ASPRV1: variants seen among roughly 807,000 people sequenced by gnomAD.
ASPRV1 encodes the protein retroviral-like aspartic protease 1.
A neutral mutation model predicts 11.0 loss-of-function variants in ASPRV1; 7 were observed. The ratio of observed to expected loss-of-function variants is 0.64; its 90% CI spans 0.36 to 1.20. The LOEUF is 1.20. Among genes scored for constraint, ASPRV1 ranks in the 50% most tolerant of loss-of-function variants. The pLI, the probability that ASPRV1 is intolerant of heterozygous loss-of-function variation, is 0.02. For synonymous variants in ASPRV1, 136 were observed against 138.4 expected (o/e 0.98, Z 0.12); for missense variants, 299 against 320.0 (o/e 0.93, Z 0.50).
the ASPRV1 span, among the ~76,000 whole-genome samples, chr2:70,016,633 C>CTCAAACTTG: frequency 6.6e-6 from 1 of 152,074 alleles, no homozygotes; most frequent in Non-Finnish European, 1.5e-5. Context: ...GACTTGAGGT[C>CTCAAACTTG]AGGAGTTTGA....
At chr2:69,991,264 C>G in the ASPRV1 span, among the ~76,000 whole-genome samples, 1 of 152,200 alleles carries the variant, frequency 6.6e-6, no homozygotes, top group Non-Finnish European at 1.5e-5. Context: ...GTGCTAGGTC[C>G]TTGCCTCCCA....
chr2:69,952,526 G>GGAAAA, the ASPRV1 span, among the ~76,000 whole-genome samples: 1,356 of 120,412 alleles, frequency 0.011, 17 homozygotes, highest in African/African-American at 0.039. Context: ...GAAAAAGAAA[G>GGAAAA]GAAAAGAAAA....
At chr2:69,990,917 A>G in the ASPRV1 span, among the ~76,000 whole-genome samples, 2 of 152,150 alleles carry the variant, frequency 1.3e-5, no homozygotes, top group African/African-American at 4.8e-5. Context: ...ACCCTGGCAG[A>G]GAGGCCATCT....
upstream of ASPRV1, chr2:69,961,687 A>C (rs1295408884): frequency 6.5e-7 from 1 of 1,536,494 alleles, no homozygotes; most frequent in Non-Finnish European, 8.8e-7. Flanking sequence ...TGGGCTCCCC[A>C]TTCTCCTTTG....
the ASPRV1 span, among the ~76,000 whole-genome samples, chr2:69,950,487 C>T: frequency 6.6e-6 from 1 of 151,736 alleles, no homozygotes; most frequent in Admixed American, 6.6e-5. Flanking sequence ...CAGTACATTC[C>T]TTTTCATTAC....
At chr2:69,970,177 C>T in the ASPRV1 span, among the ~76,000 whole-genome samples, 7 of 152,134 alleles carry the variant, frequency 4.6e-5, no homozygotes, top group East Asian at 1.4e-3. Context: ...CCTCCTGAGT[C>T]TCTCTCCTGC....
chr2:70,075,704 G>C, the ASPRV1 span, among the ~76,000 whole-genome samples: 2 of 151,956 alleles, frequency 1.3e-5, no homozygotes, highest in East Asian at 3.9e-4. Context: ...AAATTAGCCG[G>C]GCTTGGTGTC....
At chr2:70,062,064 G>A in the ASPRV1 span, among the ~76,000 whole-genome samples, 1 of 151,848 alleles carries the variant, frequency 6.6e-6, no homozygotes, top group African/African-American at 2.4e-5. Flanking sequence ...GAGGTGGGTG[G>A]ATTGCCTGAT....
At chr2:69,972,039 G>A in the ASPRV1 span, among the ~76,000 whole-genome samples, 25 of 151,968 alleles carry the variant, frequency 1.6e-4, no homozygotes, top group Admixed American at 1.2e-3. Context: ...GCTGTGATTC[G>A]GTTGCTGTCT....
chr2:70,016,838 T>G, the ASPRV1 span, among the ~76,000 whole-genome samples: 1 of 148,964 alleles, frequency 6.7e-6, no homozygotes, highest in Non-Finnish European at 1.5e-5. Flanking sequence ...GGCAACAGAG[T>G]GAAACTCTGT....
chr2:70,026,988 C>A, the ASPRV1 span, among the ~76,000 whole-genome samples: 1 of 152,038 alleles, frequency 6.6e-6, no homozygotes, highest in Non-Finnish European at 1.5e-5. Context: ...TGGACACTCA[C>A]GCCTGTAATC....
chr2:70,030,765 GA>G, the ASPRV1 span: 344 of 152,188 alleles, frequency 2.3e-3, 1 homozygote, highest in African/African-American at 7.9e-3. Context: ...ATACAGAGGG[GA>G]CAGGGACTAC....
the ASPRV1 span, chr2:70,046,100 TCAA>T: frequency 6.6e-6 from 1 of 152,090 alleles, no homozygotes; most frequent in South Asian, 2.1e-4. Flanking sequence ...ACACCTCAAA[TCAA>T]CAACAGGTCC....
rs1315873540 is a variant in ASPRV1 at position 69,960,465 on chromosome 2, G to A, written c.*192C>T. 3.2e-6 allele frequency: 2 copies of A among 616,864 alleles called. No individual in the cohort carries two copies. The highest frequency in any genetic ancestry group is 5.6e-6 in the Non-Finnish European group (2 of 356,488). 38.2% of individuals were successfully genotyped at this position (616,864 alleles called of 1,614,324 possible). On this transcript the variant is annotated 3_prime_UTR_variant, in exon 1 of 1. Coordinates refer to ENST00000320256, the MANE Select transcript of ASPRV1 (RefSeq NM_152792.4). The stretch of plus-strand genomic sequence containing the variant: ...TAAGCCAGCCTGCTCTCCCTCACCT[G>A]TGCCTGTTCAGTGGAAGCCTCCCCT...
At chr2:70,040,834 AAAACTAAACT>A in the ASPRV1 span, among the ~76,000 whole-genome samples, 6 of 152,316 alleles carry the variant, frequency 3.9e-5, no homozygotes, top group East Asian at 1.9e-4. Context: ...ACTCCGACTC[AAAACTAAACT>A]AAACTAAACT....
chr2:69,995,109 G>C, the ASPRV1 span, among the ~76,000 whole-genome samples: 2 of 151,730 alleles, frequency 1.3e-5, no homozygotes, highest in Non-Finnish European at 2.9e-5. Context: ...TTTGCGGCCG[G>C]GTGCAGTGGC....
chr2:70,000,788 C>CAAAAAAAAAAAAAAAAAAAAAA, the ASPRV1 span, among the ~76,000 whole-genome samples: 6 of 42,036 alleles, frequency 1.4e-4, no homozygotes, highest in Non-Finnish European at 1.7e-4. Flanking sequence ...GACCCTGCCT[C>CAAAAAAAAAAAAAAAAAAAAAA]AAAAAAAAAA....
chr2:70,060,438 T>C, the ASPRV1 span, among the ~76,000 whole-genome samples: 11 of 151,064 alleles, frequency 7.3e-5, no homozygotes, highest in Non-Finnish European at 1.3e-4. Flanking sequence ...AAAGAAGTAG[T>C]AAAGGACAAG....
At chr2:70,006,116 CCCATGT>C in the ASPRV1 span, among the ~76,000 whole-genome samples, 9 of 152,202 alleles carry the variant, frequency 5.9e-5, no homozygotes, top group South Asian at 4.1e-4. Context: ...CATGCCCATG[CCCATGT>C]GCGCACACAC....
Sources: allele counts gnomAD v4.1 joint callset (sites outside exome capture counted in the v4.1 genomes callset), GRCh38; gene constraint gnomAD v4.1.1; transcripts MANE v1.5; gene names NCBI Gene and HGNC (gene_info 2026-07-23, HGNC 2026-07-21).